Variants in ZZEF1 observed in about 807,000 individuals in gnomAD.
ZZEF1 encodes the protein zinc finger ZZ-type and EF-hand domain containing 1.
In ZZEF1, 157 loss-of-function variants were observed where a neutral mutation model predicts 342.8. The observed-to-expected ratio is 0.46, with a 90% CI of 0.40 to 0.52. The LOEUF is 0.52. Among genes scored for constraint, ZZEF1 ranks in the 20% least tolerant of loss-of-function variants. The pLI, the probability that ZZEF1 is intolerant of heterozygous loss-of-function variation, is 0.00. For synonymous variants in ZZEF1, 1,505 were observed against 1,429.1 expected (o/e 1.05, Z -1.20); for missense variants, 3,480 against 3,725.6 (o/e 0.93, Z 1.72).
chr17:4,102,402 C>T lies in ZZEF1; in HGVS notation c.1587G>A (p.Gln529=). The change falls in exon 9 of 55, where the codon CAG becomes CAA. Residue 529 remains glutamine, a synonymous_variant. Coordinates refer to ENST00000381638, the MANE Select transcript of ZZEF1 (RefSeq NM_015113.4). ...NLLLKYGKPL[Q]LTLQACDVKG... The stretch of plus-strand genomic sequence containing the variant: ...TGACATCACATGCCTGAAGAGTCAA[C>T]TGGAGAGGTTTACCTGACCAAAGAA... 6.2e-7 allele frequency: 1 copy of T among 1,613,620 alleles called. No individual in the cohort carries two copies. The highest frequency in any genetic ancestry group is 8.5e-7 in the Non-Finnish European group (1 of 1,179,638).
chr17:4,116,717 G>A (rs1307513685), intron 3 of ZZEF1, among the ~76,000 whole-genome samples: 5 of 152,200 alleles, frequency 3.3e-5, no homozygotes, highest in East Asian at 3.8e-4. Flanking sequence ...CCAGAAGGTG[G>A]GGTAGGGGAG....
At position 4,088,779 on chromosome 17, in the gene ZZEF1, C is replaced by T. The variant is rs751109237; in HGVS notation, c.2140G>A (p.Val714Ile). 22 of 1,614,092 alleles carry T rather than the reference C, an allele frequency of 1.4e-5. 1 individual carries two copies. The Admixed American group carries it at 2.0e-4, about 15-fold the overall frequency. The change falls in exon 13 of 55, where the codon GTC becomes ATC. Residue 714 changes from valine to isoleucine, a missense_variant. Val to Ile is a conservative substitution (Grantham distance 29, BLOSUM62 3). Around this residue, in one of 5 missense-constraint regions of ZZEF1, gnomAD observed 1,528 missense variants for 1,624.1 expected, o/e 0.94. Transcript: ENST00000381638. ...TCCTTTCTGCAGTGTGCACAGGTGACGCTCTGTTCTGCTTCTGCTCTTGCA... is the reference window on the plus strand; with the variant it reads ...TCCTTTCTGCAGTGTGCACAGGTGATGCTCTGTTCTGCTTCTGCTCTTGCA... The part of the protein sequence containing the change: ...RPARAEAEQS[V>I]TCAHCRKDTE...
In ZZEF1 at chr17:4,075,184, A is replaced by G; in HGVS notation, c.3402-6T>C. ...TAAATTCCAGATAATCATACCTGTG[A>G]AGGCATAACCTCTATTAGCTTCCTT... On this transcript the variant is annotated splice_region_variant and splice_polypyrimidine_tract_variant and intron_variant, in intron 22 of 54. Transcript: ENST00000381638. The G allele has an allele frequency of 6.2e-7, 1 of 1,614,216 alleles. No homozygotes were observed. The highest frequency in any genetic ancestry group is 1.1e-5 in the South Asian group (1 of 91,086).
intron 36 of ZZEF1, 73 bp downstream of exon 36, chr17:4,050,708 T>C (rs1408944053): frequency 8.8e-6 from 14 of 1,596,520 alleles, no homozygotes; most frequent in Admixed American, 3.4e-5. Flanking sequence ...AAGCTTAGTA[T>C]TTTACATTTG....
chr17:4,137,583 G>A (rs535154966), intron 1 of ZZEF1, among the ~76,000 whole-genome samples: 2 of 152,290 alleles, frequency 1.3e-5, no homozygotes, highest in African/African-American at 2.4e-5. Flanking sequence ...CTGCACTCCA[G>A]CCTGGGCAAC....
chr17:4,107,384 T>C (rs1413418310), intron 6 of ZZEF1, among the ~76,000 whole-genome samples: 1 of 149,568 alleles, frequency 6.7e-6, no homozygotes, highest in African/African-American at 2.6e-5. Context: ...CAGACATTTG[T>C]ATGTGTCTGG....
At chr17:4,123,766 G>T in intron 2 of ZZEF1, 141 bp downstream of exon 2, 1 of 940,344 alleles carries the variant, frequency 1.1e-6, no homozygotes, top group East Asian at 2.9e-5. Context: ...GATGACTAAA[G>T]GAAATGCTAA....
In ZZEF1 at chr17:4,032,849, G is replaced by T. The variant is rs746443756; in HGVS notation, c.6738C>A (p.Leu2246=). The part of the protein sequence containing the change: ...QLKHTNIFTL[L]VLVGFPQVLC... ...GTACCTGGGGGAAGCCAACCAGCACGAGCAGGGTGAAGATGTTGGTGTGCT... is the reference window on the plus strand; with the variant it reads ...GTACCTGGGGGAAGCCAACCAGCACTAGCAGGGTGAAGATGTTGGTGTGCT... Residue 2246 remains leucine, a synonymous_variant, in exon 41 of 55, where the codon CTC becomes CTA. Coordinates refer to ENST00000381638, the MANE Select transcript of ZZEF1 (RefSeq NM_015113.4). 4.3e-6 allele frequency: 7 copies of T among 1,614,054 alleles called. No homozygotes were observed. Among genetic ancestry groups the T allele is most frequent in the African/African-American group, 1.3e-5 (1 of 74,944 alleles).
At chr17:4,133,365 C>T (rs939901001) in intron 1 of ZZEF1, among the ~76,000 whole-genome samples, 4 of 152,158 alleles carry the variant, frequency 2.6e-5, no homozygotes, top group African/African-American at 7.2e-5. Flanking sequence ...GTGTTTGCAT[C>T]CAAGGCTTCA....
At chr17:4,103,749 C>G (rs1170489816) in intron 8 of ZZEF1, among the ~76,000 whole-genome samples, 1 of 151,962 alleles carries the variant, frequency 6.6e-6, no homozygotes, top group East Asian at 1.9e-4. Context: ...GAGACCCAAT[C>G]TCTACAAAAA....
In ZZEF1 at chr17:4,021,320, T is replaced by C; in HGVS notation, c.7213A>G (p.Ile2405Val). Residue 2405 changes from isoleucine to valine, a missense_variant and splice_region_variant, in exon 45 of 55, where the codon ATT becomes GTT. Physicochemically the swap from Ile to Val is conservative, Grantham distance 29. Transcript: ENST00000381638. ...SKTWLLRDLE[I>V]LSIMLYSSKK... is the part of the protein sequence containing the mutation. Reference sequence around the variant, plus strand: ...GAGGAGTACAGCATGATGGACAAAATCTACACAGAAAGAAAATCCAGCTGA... The same window carrying C: ...GAGGAGTACAGCATGATGGACAAAACCTACACAGAAAGAAAATCCAGCTGA... The C allele has an allele frequency of 3.8e-6, 6 of 1,594,960 alleles. No individual in the cohort carries two copies. The highest frequency in any genetic ancestry group is 5.1e-6 in the Non-Finnish European group (6 of 1,168,158).
At chr17:4,024,224 G>A (rs1477628789) in intron 43 of ZZEF1, among the ~76,000 whole-genome samples, 2 of 104,922 alleles carry the variant, frequency 1.9e-5, no homozygotes, top group Non-Finnish European at 3.8e-5. Flanking sequence ...TACAGAGGGA[G>A]TCTTGCTCTG....
At chr17:4,030,743 G>C (rs1302649180) in intron 42 of ZZEF1, among the ~76,000 whole-genome samples, 1 of 152,166 alleles carries the variant, frequency 6.6e-6, no homozygotes, top group African/African-American at 2.4e-5. Flanking sequence ...GCTCCTGCAG[G>C]CTCTTTTATA....
At position 4,114,321 on chromosome 17, in the gene ZZEF1, T is replaced by G; in HGVS notation, c.844A>C (p.Ser282Arg). ...ETSSYWQSDG[S>R]ACSHWIRLKM... is the part of the protein sequence containing the mutation. The stretch of plus-strand genomic sequence containing the variant: ...CACCGAATCCAGTGTGAACAGGCAC[T>G]GCCATCTGACTGCCAGTAGGATGAG... Residue 282 changes from serine (S) to arginine (R), a missense_variant, in exon 4 of 55, where the codon AGT (serine) becomes CGT (arginine). Transcript: ENST00000381638. The G allele has an allele frequency of 6.2e-7, 1 of 1,606,600 alleles. No homozygotes were observed. The highest frequency in any genetic ancestry group is 8.5e-7 in the Non-Finnish European group (1 of 1,177,108).
rs2056147614 is a variant in ZZEF1 at position 4,017,724 on chromosome 17, G to A, written c.7648C>T (p.Pro2550Ser). 1.2e-6 allele frequency: 2 copies of A among 1,611,618 alleles called. No homozygotes were observed. The highest frequency in any genetic ancestry group is 2.7e-5 in the African/African-American group (2 of 74,908). ...GCAGTGGCTTGGTCACAGCGTGCAGGCCGGGACTGCAAACCCAAGACCACC... is the reference window on the plus strand; with the variant it reads ...GCAGTGGCTTGGTCACAGCGTGCAGACCGGGACTGCAAACCCAAGACCACC... ...DMIILPCLSR[P>S]ARCDQATAES... Residue 2550 changes from proline to serine, a missense_variant, in exon 48 of 55, where the codon CCT (proline) becomes TCT (serine). Pro to Ser is a moderately conservative substitution (Grantham distance 74, BLOSUM62 -1). Around this residue, in one of 5 missense-constraint regions of ZZEF1, gnomAD observed 1,269 missense variants for 1,342.4 expected, o/e 0.95. Coordinates refer to ENST00000381638, the MANE Select transcript of ZZEF1 (RefSeq NM_015113.4). The surrounding 1 kb of genome is among the most constrained non-coding windows in gnomAD (Gnocchi z 5.1).
intron 39 of ZZEF1, among the ~76,000 whole-genome samples, chr17:4,036,817 A>ACTCTCT (rs368445866): frequency 5.4e-4 from 39 of 72,602 alleles, no homozygotes; most frequent in Admixed American, 8.7e-4. Flanking sequence ...ACACACACAC[A>ACTCTCT]CTCTCTCTCT....
intron 26 of ZZEF1, among the ~76,000 whole-genome samples, chr17:4,069,214 C>T (rs2057461917): frequency 6.6e-6 from 1 of 152,204 alleles, no homozygotes; most frequent in African/African-American, 2.4e-5. Flanking sequence ...TATCCCTCTA[C>T]TGAAAATTCC....
rs979600844 is a variant in ZZEF1 at position 4,064,568 on chromosome 17, G to A, written c.4511C>T (p.Pro1504Leu). 1.2e-6 allele frequency: 2 copies of A among 1,614,218 alleles called. No individual in the cohort carries two copies. The highest frequency in any genetic ancestry group is 3.3e-5 in the Admixed American group (2 of 60,026). ...TGTGGCAGGGGACACGTCTGCAGCA[G>A]GAAGGCCACTGCTGGATGGCAGCTT... Reference protein sequence around the residue: ...QPKLPSSSGLPAADVSPATAE... With the variant: ...QPKLPSSSGLLAADVSPATAE... The change falls in exon 29 of 55, where the codon CCT (proline) becomes CTT (leucine). Residue 1504 changes from proline to leucine, a missense_variant. Physicochemically the swap from Pro to Leu is moderately conservative, Grantham distance 98. Coordinates refer to ENST00000381638, the MANE Select transcript of ZZEF1 (RefSeq NM_015113.4).
rs761558534 is a variant in ZZEF1, at chr17:4,075,168, G to A, written c.3412C>T (p.Leu1138=). 6.2e-7 allele frequency: 1 copy of A among 1,614,236 alleles called. No individual in the cohort carries two copies. Among genetic ancestry groups the A allele is most frequent in the Admixed American group, 1.7e-5 (1 of 60,034 alleles). The change falls in exon 23 of 55, where the codon CTG becomes TTG. Residue 1138 remains leucine, a synonymous_variant. Transcript: ENST00000381638. ...RCETEKRYDY[L]EFTDARGRKT... is the part of the protein sequence containing the mutation. ...CGACCTCTAGCGTCGGTAAATTCCA[G>A]ATAATCATACCTGTGAAGGCATAAC...
Sources: gnomAD v4.1 joint callset for allele counts (sites outside exome capture counted in the v4.1 genomes callset) on GRCh38, gnomAD v4.1.1 for gene constraint, gnomAD v4.1.1 regional missense constraint, Gnocchi (gnomAD v3.1) non-coding constraint, MANE v1.5 for transcripts, NCBI Gene and HGNC (gene_info 2026-07-23, HGNC 2026-07-21) for gene names.